The following RCSD1 variants were observed in gnomAD, a reference collection of about 807,000 sequenced individuals.
RCSD1 encodes the protein RCSD domain containing 1, also known as capZ-interacting protein.
A neutral mutation model predicts 42.5 loss-of-function variants in RCSD1; 26 were observed. That is an observed-to-expected ratio of 0.61 (90% CI 0.45 to 0.85). RCSD1 has a LOEUF of 0.85. Among genes scored for constraint, RCSD1 ranks in the 40% least tolerant of loss-of-function variants. The probability of loss-of-function intolerance (pLI) is 0.00; values close to 1 mark genes in which losing one functional copy is unlikely to be tolerated. For synonymous variants in RCSD1, 220 were observed against 212.2 expected (o/e 1.04, Z -0.32); for missense variants, 571 against 528.3 (o/e 1.08, Z -0.79).
intron 1 of RCSD1, among the ~76,000 whole-genome samples, chr1:167,678,581 A>G (rs554320864): frequency 3.9e-4 from 59 of 151,846 alleles, no homozygotes; most frequent in African/African-American, 1.4e-3. Flanking sequence ...CCCGCACCCA[A>G]TCTCAGCTGG....
At chr1:167,686,889 A>G (rs796823748) in intron 3 of RCSD1, among the ~76,000 whole-genome samples, 17 of 152,370 alleles carry the variant, frequency 1.1e-4, no homozygotes, top group African/African-American at 3.8e-4. Context: ...AGGAGAAGTC[A>G]CCACACCATA....
chr1:167,662,880 T>C (rs1475562333), intron 1 of RCSD1, among the ~76,000 whole-genome samples: 1 of 152,224 alleles, frequency 6.6e-6, no homozygotes, highest in Non-Finnish European at 1.5e-5. Flanking sequence ...TTATCCATTA[T>C]CCACCTCTAT....
At chr1:167,677,299 T>C (rs1020796012) in intron 1 of RCSD1, among the ~76,000 whole-genome samples, 2 of 152,204 alleles carry the variant, frequency 1.3e-5, no homozygotes, top group East Asian at 1.9e-4. Context: ...ACAATGTGGA[T>C]GGGGCACGCA....
chr1:167,698,283 C>T (rs934832797), intron 6 of RCSD1, among the ~76,000 whole-genome samples: 1 of 152,220 alleles, frequency 6.6e-6, no homozygotes, highest in African/African-American at 2.4e-5. Context: ...CTTTCATGTG[C>T]ATGAACAAGG....
chr1:167,645,514 C>T (rs1328391658), intron 1 of RCSD1, among the ~76,000 whole-genome samples: 3 of 152,288 alleles, frequency 2.0e-5, no homozygotes, highest in African/African-American at 7.2e-5. Flanking sequence ...TGGGGAATTT[C>T]ACAGAGAAAG....
intron 2 of RCSD1, among the ~76,000 whole-genome samples, chr1:167,684,514 G>T (rs1338484626): frequency 6.6e-6 from 1 of 150,832 alleles, no homozygotes; most frequent in African/African-American, 2.4e-5. Context: ...GACAAGGGAG[G>T]GTCTTAACTT....
At position 167,698,954 on chromosome 1, in the gene RCSD1, C is replaced by T. The variant is rs1019015161; in HGVS notation, c.1218+1112C>T. ...AGCTGGGACCACAGGCGCCCGCCACCACGCCCGGCTAATTTTTTGTATTTT... is the reference window on the plus strand; with the variant it reads ...AGCTGGGACCACAGGCGCCCGCCACTACGCCCGGCTAATTTTTTGTATTTT... On this transcript the variant is annotated intron_variant, in intron 6 of 6. Transcript: ENST00000367854. Among the ~76,000 whole-genome samples, 31 of 152,234 alleles carry T rather than the reference C, an allele frequency of 2.0e-4. 1 individual carries two copies. The highest frequency in any genetic ancestry group is 1.3e-3 in the Admixed American group (20 of 15,294).
chr1:167,655,086 G>A (rs767624478), intron 1 of RCSD1, among the ~76,000 whole-genome samples: 2 of 152,142 alleles, frequency 1.3e-5, no homozygotes, highest in African/African-American at 2.4e-5. Context: ...TCTTGTTTCC[G>A]AAGCTGGATG....
intron 1 of RCSD1, chr1:167,664,605 A>C (rs1425877699): frequency 6.6e-6 from 1 of 152,342 alleles, no homozygotes; most frequent in East Asian, 1.9e-4. Context: ...GACCATGATC[A>C]AGGTATAGAG....
At chr1:167,689,022 G>A (rs142614635) in intron 3 of RCSD1, among the ~76,000 whole-genome samples, 7 of 152,004 alleles carry the variant, frequency 4.6e-5, no homozygotes, top group African/African-American at 1.4e-4. Context: ...AAGATTCCTG[G>A]CATTCATTCA....
At chr1:167,650,805 G>A (rs959248253) in intron 1 of RCSD1, among the ~76,000 whole-genome samples, 3 of 152,214 alleles carry the variant, frequency 2.0e-5, no homozygotes, top group African/African-American at 7.2e-5. Context: ...GTACGATGGG[G>A]TAAGGAGGGG....
chr1:167,698,127 G>T (rs1558094818), intron 6 of RCSD1, among the ~76,000 whole-genome samples: 1 of 152,236 alleles, frequency 6.6e-6, no homozygotes, highest in Non-Finnish European at 1.5e-5. Flanking sequence ...CCTCGGCACG[G>T]CTCAGTAACT....
intron 3 of RCSD1, among the ~76,000 whole-genome samples, chr1:167,688,264 G>C (rs1425634149): frequency 6.6e-6 from 1 of 152,148 alleles, no homozygotes; most frequent in Non-Finnish European, 1.5e-5. Context: ...AGAAATCAGT[G>C]GTCAGCTGGG....
At chr1:167,684,148 G>T in intron 2 of RCSD1, 147 bp downstream of exon 2, 1 of 658,324 alleles carries the variant, frequency 1.5e-6, no homozygotes, top group Non-Finnish European at 2.6e-6. Flanking sequence ...TTCTCTGAAT[G>T]TGAGGAATGT....
At chr1:167,656,688 A>G (rs1204848987) in intron 1 of RCSD1, among the ~76,000 whole-genome samples, 5 of 152,176 alleles carry the variant, frequency 3.3e-5, no homozygotes, top group Admixed American at 1.3e-4. Flanking sequence ...CCACATAGTC[A>G]TTTACATTGC....
chr1:167,677,268 A>C lies in RCSD1; in HGVS notation c.7-6632A>C, dbSNP rs183435089. Among the ~76,000 whole-genome samples the C allele has an allele frequency of 4.6e-5, 7 of 152,300 alleles. No individual in the cohort carries two copies. In the East Asian group the frequency reaches 1.3e-3, roughly 29 times the overall value. ...TCTACAGTGTCTACAGATGCTCAGG[A>C]AGGGGTGATTAAATGACCCGACAAT... On this transcript the variant is annotated intron_variant, in intron 1 of 6. Coordinates refer to ENST00000367854, the MANE Select transcript of RCSD1 (RefSeq NM_052862.4).
rs113834806 is a variant in RCSD1, at chr1:167,689,536, T to C, written c.199-513T>C. Among the ~76,000 whole-genome samples the C allele has an allele frequency of 2.5e-3, 374 of 152,184 alleles. 3 individuals are homozygous for C. The highest frequency in any genetic ancestry group is 8.7e-3 in the African/African-American group (362 of 41,524). On this transcript the variant is annotated intron_variant, in intron 3 of 6. Transcript: ENST00000367854. The stretch of plus-strand genomic sequence containing the variant: ...AAAGAATATTCAAATATTCAACATT[T>C]TGGAAAATCATAATTTATAAATCAT...
At chr1:167,661,343 G>A (rs1183215590) in intron 1 of RCSD1, among the ~76,000 whole-genome samples, 6 of 152,224 alleles carry the variant, frequency 3.9e-5, no homozygotes, top group Admixed American at 3.9e-4. Flanking sequence ...TGGAGTCCCT[G>A]GTTGAGGGCC....
Position 167,685,509 on chromosome 1 carries a change from A to G in RCSD1, c.197A>G (p.Glu66Gly). Reference protein sequence around the residue: ...PKVDLGQNGEEKSPPNASHPP... With the variant: ...PKVDLGQNGEGKSPPNASHPP... ...GTAGACCTGGGCCAGAATGGTGAGG[A>G]GGTAAGTGCTGCTGTTGGGGCTCAG... Residue 66 changes from glutamate to glycine, a missense_variant and splice_region_variant, in exon 3 of 7, where the codon GAG becomes GGG. Physicochemically the swap from Glu to Gly is moderately conservative, Grantham distance 98 (BLOSUM62 -2). Coordinates refer to ENST00000367854, the MANE Select transcript of RCSD1 (RefSeq NM_052862.4). The G allele has an allele frequency of 6.2e-7, 1 of 1,612,736 alleles. No individual in the cohort carries two copies.
Sources: allele counts gnomAD v4.1 joint callset (sites outside exome capture counted in the v4.1 genomes callset), GRCh38; gene constraint gnomAD v4.1.1; transcripts MANE v1.5; gene names NCBI Gene and HGNC (gene_info 2026-07-23, HGNC 2026-07-21).